Variants in PTPRD observed in about 807,000 individuals in gnomAD.
PTPRD encodes the protein protein tyrosine phosphatase receptor type D.
PTPRD carries 34 observed loss-of-function variants against 214.5 expected under a neutral mutation model. The ratio of observed to expected loss-of-function variants is 0.16; its 90% CI spans 0.12 to 0.21. The LOEUF (loss-of-function observed/expected upper bound fraction) is 0.21. Ranked by LOEUF, PTPRD falls within the 10% of genes least tolerant of loss-of-function variation. PTPRD has a pLI of 1.00. For synonymous variants in PTPRD, 1,128 were observed against 845.7 expected, an observed-to-expected ratio of 1.33 and a Z score of -5.79; for missense variants, 2,545 against 2,398.7, an observed-to-expected ratio of 1.06 and a Z score of -1.27.
intron 2 of PTPRD, among the ~76,000 whole-genome samples, chr9:10,459,248 A>G (rs1588638657): frequency 6.6e-6 from 1 of 152,118 alleles, no homozygotes; most frequent in African/African-American, 2.4e-5. Flanking sequence ...TTATGGCTGC[A>G]TAATATTCCA....
At chr9:9,084,822 C>T (rs887247745) in intron 10 of PTPRD, among the ~76,000 whole-genome samples, 3 of 152,104 alleles carry the variant, frequency 2.0e-5, no homozygotes, top group African/African-American at 7.2e-5. Context: ...TCAAAAGAGC[C>T]ATCCAAACAG....
chr9:8,751,290 A>G (rs926016204), intron 11 of PTPRD, among the ~76,000 whole-genome samples: 1 of 152,168 alleles, frequency 6.6e-6, no homozygotes, highest in African/African-American at 2.4e-5. Context: ...GCGTTCCTGA[A>G]AAACGCAAAT....
intron 14 of PTPRD, among the ~76,000 whole-genome samples, chr9:8,607,256 T>C (rs1053913091): frequency 6.6e-6 from 1 of 152,240 alleles, no homozygotes; most frequent in African/African-American, 2.4e-5. Context: ...ACAGTGTATA[T>C]ATACTTAAAA....
At chr9:9,716,692 G>A (rs1230791953) in intron 7 of PTPRD, among the ~76,000 whole-genome samples, 6 of 151,952 alleles carry the variant, frequency 3.9e-5, no homozygotes, top group African/African-American at 1.4e-4. Flanking sequence ...CCCACTTTTT[G>A]ATGGGGTTGT....
At chr9:9,823,115 A>G (rs1018132866) in intron 5 of PTPRD, among the ~76,000 whole-genome samples, 1 of 152,162 alleles carries the variant, frequency 6.6e-6, no homozygotes, top group African/African-American at 2.4e-5. Context: ...GTACATATAC[A>G]TACATTCGGC....
intron 39 of PTPRD, among the ~76,000 whole-genome samples, chr9:8,368,133 G>C (rs2080464816): frequency 6.6e-6 from 1 of 152,072 alleles, no homozygotes; most frequent in Admixed American, 6.6e-5. Context: ...CCCATTTGTA[G>C]GATACACATT....
intron 7 of PTPRD, among the ~76,000 whole-genome samples, chr9:9,701,383 G>A (rs1365783432): frequency 6.6e-6 from 1 of 152,186 alleles, no homozygotes; most frequent in African/African-American, 2.4e-5. Context: ...TGAACTGGAA[G>A]CAGAGAAACT....
intron 3 of PTPRD, among the ~76,000 whole-genome samples, chr9:10,113,044 G>A (rs760458646): frequency 6.6e-6 from 1 of 152,172 alleles, no homozygotes; most frequent in Non-Finnish European, 1.5e-5. Context: ...CTGGGTTATA[G>A]TGAGACTCTT....
intron 3 of PTPRD, among the ~76,000 whole-genome samples, chr9:10,300,144 G>A (rs187314555): frequency 6.6e-6 from 1 of 152,246 alleles, no homozygotes; most frequent in East Asian, 1.9e-4. Context: ...AACATAAGTA[G>A]TAAGAAAACA....
chr9:9,808,737 T>G (rs1447559767), intron 5 of PTPRD, among the ~76,000 whole-genome samples: 3 of 152,088 alleles, frequency 2.0e-5, no homozygotes, highest in Non-Finnish European at 2.9e-5. Context: ...GAGACCCAAC[T>G]TTCATCTCCC....
chr9:8,533,934 A>G (rs2076309193), intron 14 of PTPRD, among the ~76,000 whole-genome samples: 1 of 151,978 alleles, frequency 6.6e-6, no homozygotes, highest in African/African-American at 2.4e-5. Context: ...ACTGTTTGTG[A>G]CTACACATTT....
rs923066436 is a variant in PTPRD at position 8,929,041 on chromosome 9, A to G, written c.-104+89656T>C. 4.6e-5 allele frequency among the ~76,000 whole-genome samples: 7 copies of G among 152,152 alleles called. No homozygotes were observed. The South Asian group carries it at 6.2e-4, about 14-fold the overall frequency. ...GTGATTTTTTGCATGTTGATTTTGTATCCTGAGACTTTGCTGAAGTTGCTT... is the reference window on the plus strand; with the variant it reads ...GTGATTTTTTGCATGTTGATTTTGTGTCCTGAGACTTTGCTGAAGTTGCTT... On this transcript the variant is annotated intron_variant, in intron 11 of 45. Coordinates refer to ENST00000381196, the MANE Select transcript of PTPRD (RefSeq NM_002839.4).
chr9:9,856,556 C>T (rs1352429215), intron 5 of PTPRD, among the ~76,000 whole-genome samples: 2 of 151,360 alleles, frequency 1.3e-5, no homozygotes, highest in Middle Eastern at 3.2e-3. Context: ...AAGACAGGAT[C>T]TCAAGGTATG....
intron 9 of PTPRD, among the ~76,000 whole-genome samples, chr9:9,261,647 CGT>C (rs5896314): frequency 0.34 from 50,923 of 147,818 alleles, 9,036 homozygotes; most frequent in Non-Finnish European, 0.41. Flanking sequence ...TGTGCATGCA[CGT>C]GTGTGTGTGT....
chr9:8,473,402 G>C (rs530818071), intron 30 of PTPRD, among the ~76,000 whole-genome samples: 9 of 152,114 alleles, frequency 5.9e-5, no homozygotes, highest in Non-Finnish European at 1.2e-4. Flanking sequence ...TACCGAACAA[G>C]TCCATCATGT....
intron 3 of PTPRD, among the ~76,000 whole-genome samples, chr9:10,042,722 G>A (rs2097318608): frequency 6.6e-6 from 1 of 151,878 alleles, no homozygotes; most frequent in Admixed American, 6.6e-5. Flanking sequence ...GGCTACATTG[G>A]TAGGTGTAGC....
intron 10 of PTPRD, among the ~76,000 whole-genome samples, chr9:9,117,098 C>T (rs1156686061): frequency 6.6e-6 from 1 of 152,086 alleles, no homozygotes; most frequent in Non-Finnish European, 1.5e-5. Context: ...CAGAAGGATG[C>T]TATCTGGACA....
At chr9:10,000,040 A>G (rs1028491957) in intron 4 of PTPRD, among the ~76,000 whole-genome samples, 7 of 152,178 alleles carry the variant, frequency 4.6e-5, no homozygotes, top group African/African-American at 1.4e-4. Context: ...GTCAAGATTA[A>G]TGCCAAAGTT....
At chr9:10,601,214 G>A (rs1180160134) in intron 2 of PTPRD, among the ~76,000 whole-genome samples, 1 of 151,634 alleles carries the variant, frequency 6.6e-6, no homozygotes, top group African/African-American at 2.4e-5. Context: ...AAGTAAGGTA[G>A]AGTCAGGGAG....
Sources: allele counts gnomAD v4.1 joint callset (sites outside exome capture counted in the v4.1 genomes callset), GRCh38; gene constraint gnomAD v4.1.1; transcripts MANE v1.5; gene names NCBI Gene and HGNC (gene_info 2026-07-23, HGNC 2026-07-21).